Variants in FRMD5 observed in about 807,000 individuals in gnomAD.
FRMD5 encodes FERM domain-containing protein 5.
FRMD5 carries 20 observed loss-of-function variants against 69.0 expected under a neutral mutation model. The ratio of observed to expected loss-of-function variants is 0.29; its 90% CI spans 0.20 to 0.42. The LOEUF (loss-of-function observed/expected upper bound fraction) is 0.42. Ranked by LOEUF, FRMD5 falls within the 10% of genes least tolerant of loss-of-function variation. The pLI is 1.00. For synonymous variants in FRMD5, 271 were observed against 260.1 expected, an observed-to-expected ratio of 1.04 and a Z score of -0.40; for missense variants, 595 against 708.6, an observed-to-expected ratio of 0.84 and a Z score of 1.82.
chr15:44,073,227 CTGTT>C (rs1211961361), intron 1 of FRMD5, among the ~76,000 whole-genome samples: 2 of 152,080 alleles, frequency 1.3e-5, no homozygotes, highest in East Asian at 3.9e-4. Context: ...GCATGATTTC[CTGTT>C]TATTTGCCTG....
At chr15:44,123,331 T>A (rs2076981667) in intron 1 of FRMD5, among the ~76,000 whole-genome samples, 1 of 106,850 alleles carries the variant, frequency 9.4e-6, no homozygotes, top group Non-Finnish European at 2.1e-5. Context: ...GTGACAAGAG[T>A]GAAACTCCAT....
intron 1 of FRMD5, among the ~76,000 whole-genome samples, chr15:44,067,121 AG>A (rs1344342418): frequency 1.3e-5 from 2 of 152,168 alleles, no homozygotes; most frequent in African/African-American, 4.8e-5. Flanking sequence ...AAAAGGGAAA[AG>A]AGTGAAAATA....
intron 1 of FRMD5, among the ~76,000 whole-genome samples, chr15:44,133,668 A>G (rs955879069): frequency 2.6e-5 from 4 of 151,988 alleles, no homozygotes; most frequent in African/African-American, 9.7e-5. Context: ...AGAAAAAATA[A>G]AGAAAGAAAA....
chr15:44,141,969 T>C (rs1295861327), intron 1 of FRMD5, among the ~76,000 whole-genome samples: 2 of 152,222 alleles, frequency 1.3e-5, no homozygotes, highest in African/African-American at 2.4e-5. Flanking sequence ...ATCTACTCAT[T>C]GCTGTCATTA....
intron 1 of FRMD5, among the ~76,000 whole-genome samples, chr15:44,116,976 G>A (rs1174645089): frequency 2.6e-5 from 4 of 151,688 alleles, no homozygotes; most frequent in African/African-American, 9.7e-5. Context: ...CAGCTACTCA[G>A]GGGGTGGGGC....
chr15:43,925,452 A>G (rs950386823), intron 1 of FRMD5, among the ~76,000 whole-genome samples: 1 of 152,224 alleles, frequency 6.6e-6, no homozygotes, highest in African/African-American at 2.4e-5. Flanking sequence ...GGCAATATAT[A>G]TAGATATGCC....
rs547466438 is a variant in FRMD5, at chr15:44,074,649, T to C, written c.102+120304A>G. Among the ~76,000 whole-genome samples, 23 of 152,252 alleles carry C rather than the reference T, an allele frequency of 1.5e-4. 1 individual carries two copies. The South Asian group carries it at 4.6e-3, about 30-fold the overall frequency. On this transcript the variant is annotated intron_variant, in intron 1 of 13. Transcript: ENST00000417257. ...CCTATTCTTCATCTAATATTTACTG[T>C]ATACTTTTTCCTGTACCAGGTTTTT... is the stretch of plus-strand genomic sequence containing the variant.
intron 1 of FRMD5, among the ~76,000 whole-genome samples, chr15:44,047,725 T>C (rs1892490382): frequency 6.6e-6 from 1 of 152,200 alleles, no homozygotes; most frequent in Non-Finnish European, 1.5e-5. Context: ...TGCCAACACA[T>C]TTCCTAATCC....
intron 1 of FRMD5, among the ~76,000 whole-genome samples, chr15:43,982,524 A>G (rs935422071): frequency 2.6e-5 from 4 of 152,192 alleles, no homozygotes; most frequent in African/African-American, 9.6e-5. Flanking sequence ...ACAAAACAGT[A>G]GAGTTAGCTT....
At chr15:44,076,874 G>A (rs1323797461) in intron 1 of FRMD5, among the ~76,000 whole-genome samples, 1 of 151,818 alleles carries the variant, frequency 6.6e-6, no homozygotes, top group African/African-American at 2.4e-5. Flanking sequence ...CTCTCAGTCT[G>A]AGATGTCCAG....
intron 1 of FRMD5, among the ~76,000 whole-genome samples, chr15:44,133,036 C>T (rs774644500): frequency 5.3e-5 from 8 of 151,840 alleles, no homozygotes; most frequent in Non-Finnish European, 7.4e-5. Context: ...GCTGGGATTA[C>T]AGGCATGAGC....
At chr15:43,953,672 C>T (rs909905046) in intron 1 of FRMD5, among the ~76,000 whole-genome samples, 1 of 152,228 alleles carries the variant, frequency 6.6e-6, no homozygotes, top group Non-Finnish European at 1.5e-5. Flanking sequence ...AAAAACCTCA[C>T]ACCTTAGCTA....
intron 1 of FRMD5, among the ~76,000 whole-genome samples, chr15:43,997,833 AAAC>A: frequency 6.6e-6 from 1 of 152,330 alleles, no homozygotes; most frequent in South Asian, 2.1e-4. Flanking sequence ...TGTTGTTTCC[AAAC>A]AACCACAATA....
intron 1 of FRMD5, among the ~76,000 whole-genome samples, chr15:44,131,748 T>C (rs140066618): frequency 6.6e-4 from 100 of 152,268 alleles, no homozygotes; most frequent in African/African-American, 2.2e-3. Context: ...GTTAAAATCA[T>C]AGAGACAGAC....
chr15:44,158,848 CTCAG>C (rs143351750), intron 1 of FRMD5, among the ~76,000 whole-genome samples: 1,834 of 152,276 alleles, frequency 0.012, 30 homozygotes, highest in African/African-American at 0.041. Context: ...AGATAAAAGA[CTCAG>C]TCAGACTCTT....
At chr15:43,985,776 T>TA (rs1245587330) in intron 1 of FRMD5, among the ~76,000 whole-genome samples, 1 of 152,060 alleles carries the variant, frequency 6.6e-6, no homozygotes, top group Non-Finnish European at 1.5e-5. Context: ...CAAACAAACT[T>TA]AGAGATTGAA....
intron 1 of FRMD5, among the ~76,000 whole-genome samples, chr15:44,131,891 A>G (rs1338302905): frequency 6.6e-6 from 1 of 152,098 alleles, no homozygotes; most frequent in Non-Finnish European, 1.5e-5. Context: ...TGGGCGGGAG[A>G]TGGTTTTGGG....
At chr15:44,027,179 C>T (rs8036541) in intron 1 of FRMD5, among the ~76,000 whole-genome samples, 137,287 of 152,156 alleles carry the variant, frequency 0.9, 62,485 homozygotes, top group East Asian at 1. Context: ...ATATTACGTC[C>T]CTATAACAAT....
intron 1 of FRMD5, among the ~76,000 whole-genome samples, chr15:44,179,093 G>A (rs985390715): frequency 2.2e-4 from 34 of 151,866 alleles, no homozygotes; most frequent in South Asian, 1.0e-3. Flanking sequence ...ATAAGAAAAG[G>A]AAAAATTAAC....
Sources: gnomAD v4.1 joint callset for allele counts (sites outside exome capture counted in the v4.1 genomes callset) on GRCh38, gnomAD v4.1.1 for gene constraint, MANE v1.5 for transcripts, NCBI Gene and HGNC (gene_info 2026-07-23, HGNC 2026-07-21) for gene names.